SYDE1: variants seen among roughly 807,000 people sequenced by gnomAD.
SYDE1 encodes rho GTPase-activating protein SYDE1.
Under a neutral mutation model 63.3 loss-of-function variants are expected in SYDE1, and 34 were observed. That is an observed-to-expected ratio of 0.54 (90% CI 0.41 to 0.71). The LOEUF (loss-of-function observed/expected upper bound fraction) is 0.71, where lower values mean the gene tolerates loss of function less well. SYDE1 is among the 30% of genes least tolerant of loss of function. The pLI is 0.00. For synonymous variants in SYDE1, 467 were observed against 473.4 expected, an observed-to-expected ratio of 0.99 and a Z score of 0.18; for missense variants, 925 against 1,042.5, an observed-to-expected ratio of 0.89 and a Z score of 1.55.
In SYDE1 at chr19:15,111,733, G is replaced by C. The variant is rs2046347221; in HGVS notation, c.1519G>C (p.Val507Leu). The change falls in exon 6 of 8, where the codon GTT becomes CTT. Residue 507 changes from valine to leucine, a missense_variant. Coordinates refer to ENST00000342784, the MANE Select transcript of SYDE1 (RefSeq NM_033025.6). The surrounding 1 kb of genome is among the most constrained non-coding windows in gnomAD (Gnocchi z 5.5). ...CATGGCCCGGGACCCCCCAAACAGAGTTCCCCCCACCACTGAGGGCACCCG... is the reference window on the plus strand; with the variant it reads ...CATGGCCCGGGACCCCCCAAACAGACTTCCCCCCACCACTGAGGGCACCCG... ...EAMARDPPNR[V>L]PPTTEGTRGL... 5.0e-6 allele frequency: 8 copies of C among 1,610,748 alleles called. No homozygotes were observed. The highest frequency in any genetic ancestry group is 6.8e-6 in the Non-Finnish European group (8 of 1,178,560).
In SYDE1 at chr19:15,112,473, CA is replaced by C; in HGVS notation, c.1708del (p.Arg570GlyfsTer65). ...CTGCTGCCGGCACGCCAGGCGCCCA[CA>C]AGGCCTCGTGCCCGCAGCTCCGGCC... is the stretch of plus-strand genomic sequence containing the variant. ...PVLLPARQAPTRPRARSSGPG... is the reference protein window; with the variant it reads ...PVLLPARQAPXRPRARSSGPG... On this transcript the variant is annotated frameshift_variant, in exon 7 of 8. Transcript: ENST00000342784. LOFTEE classifies it high-confidence loss of function. 6.2e-7 allele frequency: 1 copy of C among 1,606,396 alleles called. No homozygotes were observed. The highest frequency in any genetic ancestry group is 8.5e-7 in the Non-Finnish European group (1 of 1,176,940).
rs376549767 is a variant in SYDE1, at chr19:15,112,456, G to A, written c.1689G>A (p.Pro563=). 34 of 1,603,278 alleles carry A rather than the reference G, an allele frequency of 2.1e-5. No homozygotes were observed. Among genetic ancestry groups the A allele is most frequent in the African/African-American group, 8.0e-5 (6 of 74,856 alleles). Residue 563 remains proline (P), a synonymous_variant, in exon 7 of 8, where the codon CCG becomes CCA. Transcript: ENST00000342784. The part of the protein sequence containing the change: ...LAVCFGPVLL[P]ARQAPTRPRA... ...TGTGCTTCGGGCCTGTGCTGCTGCC[G>A]GCACGCCAGGCGCCCACAAGGCCTC...
chr19:15,109,971 G>A lies in SYDE1; in HGVS notation c.698G>A (p.Gly233Glu), dbSNP rs1054584284. The A allele has an allele frequency of 1.3e-6, 2 of 1,483,664 alleles. No individual in the cohort carries two copies. The highest frequency in any genetic ancestry group is 4.7e-5 in the Admixed American group (2 of 42,854). 91.9% of individuals were successfully genotyped at this position (1,483,664 alleles called of 1,614,324 possible). The change falls in exon 3 of 8, where the codon GGG (glycine) becomes GAG (glutamate). Residue 233 changes from glycine (G) to glutamate (E), a missense_variant. Physicochemically the swap from Gly to Glu is moderately conservative, Grantham distance 98. Transcript: ENST00000342784. This position sits in a 1 kb window ranked among gnomAD's most constrained non-coding sequence, Gnocchi z 5.0. The part of the protein sequence containing the change: ...RSPRAGYLSD[G>E]DSPERPAGPP... Reference sequence around the variant, plus strand: ...CCGAGGGCCGGTTACCTCAGCGACGGGGACTCACCGGAGCGCCCAGCTGGG... The same window carrying A: ...CCGAGGGCCGGTTACCTCAGCGACGAGGACTCACCGGAGCGCCCAGCTGGG...
rs763876009 is a variant in SYDE1, at chr19:15,110,504, C to A, written c.1076-17C>A. 14 of 1,557,452 alleles carry A rather than the reference C, an allele frequency of 9.0e-6. No homozygotes were observed. Among genetic ancestry groups the A allele is most frequent in the Non-Finnish European group, 1.2e-5 (14 of 1,153,458 alleles). ...AGCTTCAGAGCACACCCGGCTCAGG[C>A]CCCCTTGTGTCCTCAGGGTGCCAGG... On this transcript the variant is annotated splice_polypyrimidine_tract_variant and intron_variant, in intron 3 of 7. Transcript: ENST00000342784. This position sits in a 1 kb window ranked among gnomAD's most constrained non-coding sequence, Gnocchi z 6.9.
chr19:15,109,577 C>A lies in SYDE1; in HGVS notation c.431-127C>A. On this transcript the variant is annotated intron_variant, in intron 2 of 7. Coordinates refer to ENST00000342784, the MANE Select transcript of SYDE1 (RefSeq NM_033025.6). The surrounding 1 kb of genome is among the most constrained non-coding windows in gnomAD (Gnocchi z 5.0). The stretch of plus-strand genomic sequence containing the variant: ...CCGTCAGATGCTCCCAGAGGAGCAT[C>A]AGCCTCACACCCTCCTCCCCGCCAG... 1.1e-6 allele frequency: 1 copy of A among 921,184 alleles called. No individual in the cohort carries two copies. Among genetic ancestry groups the A allele is most frequent in the Non-Finnish European group, 1.6e-6 (1 of 629,322 alleles). The allele number at this position is 921,184 out of a possible 1,614,324, so 57.1% of individuals were successfully genotyped here. A position where few individuals can be genotyped will look rare whatever the true frequency, so the allele number is the denominator to read the frequency against.
rs544657600 is a variant in SYDE1 at position 15,114,135 on chromosome 19, G to A, written c.*172G>A. ...GGCTGAGACTCATTCCCAGTTTCCA[G>A]GGCCCGGTATTTGGACACTAGTTGC... On this transcript the variant is annotated 3_prime_UTR_variant, in exon 8 of 8. Coordinates refer to ENST00000342784, the MANE Select transcript of SYDE1 (RefSeq NM_033025.6). 2 of 654,658 alleles carry A rather than the reference G, an allele frequency of 3.1e-6. No homozygotes were observed. Among genetic ancestry groups the A allele is most frequent in the Non-Finnish European group, 5.1e-6 (2 of 388,782 alleles). The allele number at this position is 654,658 out of a possible 1,614,324, so 40.6% of individuals were successfully genotyped here.
At chr19:15,113,403 G>A (rs2046358595) in intron 7 of SYDE1, among the ~76,000 whole-genome samples, 157 bp from the exon 8 acceptor site, 1 of 152,178 alleles carries the variant, frequency 6.6e-6, no homozygotes, top group Non-Finnish European at 1.5e-5. Flanking sequence ...GCCAATCAGA[G>A]GCCTAGTTGC....
intron 7 of SYDE1, 59 bp downstream of exon 7, chr19:15,112,630 AC>A (rs1188485833): frequency 3.2e-5 from 44 of 1,377,926 alleles, no homozygotes; most frequent in Non-Finnish European, 1.1e-5. Flanking sequence ...CAGTGATGCC[AC>A]CTTAAGGGAC....
Position 15,113,853 on chromosome 19 carries a change from G to C in SYDE1, c.2098G>C (p.Glu700Gln). Residue 700 changes from glutamate to glutamine, a missense_variant, in exon 8 of 8, where the codon GAA (glutamate) becomes CAA (glutamine). This residue lies in a region of SYDE1 where 255 missense variants were observed against 255.9 expected (regional missense o/e 1.00). Transcript: ENST00000342784. ...CGAGCCGAGGGTCACCGGTGACTTC[G>C]AAGACGACTTCGATGCGCCCTTCAA... ...VGEPRVTGDF[E>Q]DDFDAPFNPH... is the part of the protein sequence containing the mutation. 1 of 1,614,204 alleles carries C rather than the reference G, an allele frequency of 6.2e-7. No individual in the cohort carries two copies. Among genetic ancestry groups the C allele is most frequent in the East Asian group, 2.2e-5 (1 of 44,876 alleles).
In SYDE1 at chr19:15,111,748, GA is replaced by G; in HGVS notation, c.1535del (p.Glu512GlyfsTer18). On this transcript the variant is annotated frameshift_variant, in exon 6 of 8. Transcript: ENST00000342784. LOFTEE classifies it high-confidence loss of function. The surrounding 1 kb of genome is among the most constrained non-coding windows in gnomAD (Gnocchi z 5.5). ...CCCAAACAGAGTTCCCCCCACCACT[GA>G]GGGCACCCGAGGGCTCCTCAGCTGC... ...DPPNRVPPTT[E>X]GTRGLLSCLP... The G allele has an allele frequency of 6.2e-7, 1 of 1,603,468 alleles. No homozygotes were observed. Among genetic ancestry groups the G allele is most frequent in the South Asian group, 1.1e-5 (1 of 88,972 alleles).
At chr19:15,113,183 G>C (rs1162591600) in intron 7 of SYDE1, among the ~76,000 whole-genome samples, 3 of 152,160 alleles carry the variant, frequency 2.0e-5, no homozygotes. Flanking sequence ...GGGATTACAG[G>C]CATGCACTAC....
In SYDE1 at chr19:15,109,728, C is replaced by A. The variant is rs1160270621; in HGVS notation, c.455C>A (p.Thr152Asn). Residue 152 changes from threonine to asparagine, a missense_variant, in exon 3 of 8, where the codon ACC (threonine) becomes AAC (asparagine). Physicochemically the swap from Thr to Asn is moderately conservative, Grantham distance 65. This residue lies in a region of SYDE1 where 599 missense variants were observed against 653.7 expected (regional missense o/e 0.92). Transcript: ENST00000342784. This position sits in a 1 kb window ranked among gnomAD's most constrained non-coding sequence, Gnocchi z 5.0. The stretch of plus-strand genomic sequence containing the variant: ...GGTGCAGCCCCCGCCAGCCCCCCAA[C>A]CAAAGCCTCCCGCACCAAGTCCCCG... ...PQGAAPASPP[T>N]KASRTKSPGP... is the part of the protein sequence containing the mutation. 6.6e-7 allele frequency: 1 copy of A among 1,524,572 alleles called. No individual in the cohort carries two copies. Among genetic ancestry groups the A allele is most frequent in the Non-Finnish European group, 8.8e-7 (1 of 1,135,542 alleles). 94.4% of individuals were successfully genotyped at this position (1,524,572 alleles called of 1,614,324 possible).
Position 15,113,757 on chromosome 19 carries a change from G to C in SYDE1, c.2002G>C (p.Asp668His). The change falls in exon 8 of 8, where the codon GAT becomes CAT. Residue 668 changes from aspartate (D) to histidine (H), a missense_variant. Coordinates refer to ENST00000342784, the MANE Select transcript of SYDE1 (RefSeq NM_033025.6). ...GCGGGACTTCCTGCCCTGTGGGCGG[G>C]ATTTCCTGTCCGGGCCAGACTACGA... ...CGRDFLPCGRDFLSGPDYDHV... is the reference protein window; with the variant it reads ...CGRDFLPCGRHFLSGPDYDHV... 6.2e-7 allele frequency: 1 copy of C among 1,614,066 alleles called. No homozygotes were observed.
Position 15,109,437 on chromosome 19 carries a change from C to G in SYDE1, c.430+40C>G. ...CCCATCCCCTTCCCCAAGGTGAGCACCAGCTCCACATCCCTTCCCTTCAGG... is the reference window on the plus strand; with the variant it reads ...CCCATCCCCTTCCCCAAGGTGAGCAGCAGCTCCACATCCCTTCCCTTCAGG... On this transcript the variant is annotated intron_variant, in intron 2 of 7. Transcript: ENST00000342784. This position sits in a 1 kb window ranked among gnomAD's most constrained non-coding sequence, Gnocchi z 5.0. The G allele has an allele frequency of 6.7e-7, 1 of 1,498,576 alleles. No individual in the cohort carries two copies. Among genetic ancestry groups the G allele is most frequent in the Non-Finnish European group, 8.9e-7 (1 of 1,124,836 alleles). 92.8% of individuals were successfully genotyped at this position (1,498,576 alleles called of 1,614,324 possible). A position where few individuals can be genotyped will look rare whatever the true frequency, so the allele number is the denominator to read the frequency against.
chr19:15,108,942 T>A lies in SYDE1; in HGVS notation c.89-114T>A. ...CAGCAGGATCCAAGGAACCATGACT[T>A]ATCAGGGGCCGGCCAGGGCCGTACA... On this transcript the variant is annotated intron_variant, in intron 1 of 7. Coordinates refer to ENST00000342784, the MANE Select transcript of SYDE1 (RefSeq NM_033025.6). The surrounding 1 kb of genome is among the most constrained non-coding windows in gnomAD (Gnocchi z 4.3). The A allele has an allele frequency of 7.1e-7, 1 of 1,403,470 alleles. No homozygotes were observed. The highest frequency in any genetic ancestry group is 9.3e-7 in the Non-Finnish European group (1 of 1,080,920). The allele number at this position is 1,403,470 out of a possible 1,614,324, so 86.9% of individuals were successfully genotyped here.
Position 15,114,279 on chromosome 19 carries a change from T to G in SYDE1, c.*316T>G. The G allele has an allele frequency of 2.9e-6, 1 of 343,474 alleles. No homozygotes were observed. The highest frequency in any genetic ancestry group is 5.4e-6 in the Non-Finnish European group (1 of 185,308). 21.3% of individuals were successfully genotyped at this position (343,474 alleles called of 1,614,324 possible). On this transcript the variant is annotated 3_prime_UTR_variant, in exon 8 of 8. Coordinates refer to ENST00000342784, the MANE Select transcript of SYDE1 (RefSeq NM_033025.6). The stretch of plus-strand genomic sequence containing the variant: ...CTCGCGCTTGCTAGGCTGGCCTCTC[T>G]TGCCTCCCCTTGGCCGGGGCAACAC...
chr19:15,111,793 G>A lies in SYDE1; in HGVS notation c.1578+1G>A, dbSNP rs1292219854. ...CAGCTGCCTGCCAGATGTGGAAAGG[G>A]TGAGTTGGGCCTGGTGGGAGTGATG... On this transcript the variant is annotated splice_donor_variant, in intron 6 of 7. Coordinates refer to ENST00000342784, the MANE Select transcript of SYDE1 (RefSeq NM_033025.6). LOFTEE classifies it high-confidence loss of function. The surrounding 1 kb of genome is among the most constrained non-coding windows in gnomAD (Gnocchi z 5.5). 6.3e-7 allele frequency: 1 copy of A among 1,575,766 alleles called. No homozygotes were observed. Among genetic ancestry groups the A allele is most frequent in the Non-Finnish European group, 8.6e-7 (1 of 1,161,768 alleles).
Position 15,111,314 on chromosome 19 carries a change from T to C in SYDE1, c.1292T>C (p.Val431Ala). The change falls in exon 5 of 8, where the codon GTA (valine) becomes GCA (alanine). Residue 431 changes from valine to alanine, a missense_variant and splice_region_variant. Transcript: ENST00000342784. This position sits in a 1 kb window ranked among gnomAD's most constrained non-coding sequence, Gnocchi z 5.5. ...TTCACTCTCTCTTCCCACCCCCAGG[T>C]AGTGGGACTGTACCGTCTTTGTGGC... ...VGQIERRGLR[V>A]VGLYRLCGSA... 1 of 1,614,026 alleles carries C rather than the reference T, an allele frequency of 6.2e-7. No individual in the cohort carries two copies. The highest frequency in any genetic ancestry group is 8.5e-7 in the Non-Finnish European group (1 of 1,179,944).
At chr19:15,112,252 C>A (rs2046349828) in intron 6 of SYDE1, 94 bp from the exon 7 acceptor site, 1 of 769,478 alleles carries the variant, frequency 1.3e-6, no homozygotes, top group Non-Finnish European at 2.1e-6. Flanking sequence ...AGACTGTGAA[C>A]CTGCTTCCCT....
Sources: allele counts gnomAD v4.1 joint callset (sites outside exome capture counted in the v4.1 genomes callset), GRCh38; gene constraint gnomAD v4.1.1; regional missense constraint gnomAD v4.1.1; non-coding constraint Gnocchi (gnomAD v3.1); transcripts MANE v1.5; gene names NCBI Gene and HGNC (gene_info 2026-07-23, HGNC 2026-07-21).